Variants in ROCK2 observed in about 807,000 individuals in gnomAD.
ROCK2 encodes the protein rho-associated protein kinase 2.
In ROCK2, 61 loss-of-function variants were observed where a neutral mutation model predicts 195.1. That is an observed-to-expected ratio of 0.31 (90% CI 0.25 to 0.39). The LOEUF is 0.39. ROCK2 is among the 10% of genes least tolerant of loss of function. ROCK2 has a pLI of 1.00. For missense variants in ROCK2, 1,109 were observed against 1,637.4 expected, an observed-to-expected ratio of 0.68 and a Z score of 5.57; for synonymous variants, 504 against 545.5, an observed-to-expected ratio of 0.92 and a Z score of 1.06.
rs935462304 is a variant in ROCK2, at chr2:11,201,940, T to C, written c.2619+112A>G. 2.6e-6 allele frequency: 2 copies of C among 760,270 alleles called. No individual in the cohort carries two copies. Among genetic ancestry groups the C allele is most frequent in the Non-Finnish European group, 4.6e-6 (2 of 437,728 alleles). The allele number at this position is 760,270 out of a possible 1,614,324, so 47.1% of individuals were successfully genotyped here. A position where few individuals can be genotyped will look rare whatever the true frequency, so the allele number is the denominator to read the frequency against. On this transcript the variant is annotated intron_variant, in intron 21 of 32. Coordinates refer to ENST00000315872, the MANE Select transcript of ROCK2 (RefSeq NM_004850.5). This position sits in a 1 kb window ranked among gnomAD's most constrained non-coding sequence, Gnocchi z 4.6. ...CAATGATAATAAATTTCTCTTAAAC[T>C]ATCTACATTCTTTTGCCCAGCTGCT...
chr2:11,204,603 C>T (rs1663983623), intron 20 of ROCK2, among the ~76,000 whole-genome samples: 1 of 152,158 alleles, frequency 6.6e-6, no homozygotes. Flanking sequence ...TTACTTACGT[C>T]TTTCAAACCT....
At chr2:11,284,041 G>C (rs1667106777) in intron 3 of ROCK2, among the ~76,000 whole-genome samples, 1 of 152,108 alleles carries the variant, frequency 6.6e-6, no homozygotes, top group Non-Finnish European at 1.5e-5. Context: ...GATAAACTTT[G>C]GTACAGCCAG....
At chr2:11,314,497 A>C (rs1457327984) in intron 1 of ROCK2, among the ~76,000 whole-genome samples, 1 of 152,008 alleles carries the variant, frequency 6.6e-6, no homozygotes, top group Non-Finnish European at 1.5e-5. Context: ...ATTTACATGA[A>C]TAAGGTTTCG....
At chr2:11,254,727 T>TAAAAAAAAAAAAAAAA (rs10640683) in intron 3 of ROCK2, among the ~76,000 whole-genome samples, 1 of 39,126 alleles carries the variant, frequency 2.6e-5, no homozygotes, top group Non-Finnish European at 4.4e-5. Context: ...CCCTGTCTCT[T>TAAAAAAAAAAAAAAAA]AAAAAAAAAA....
intron 3 of ROCK2, among the ~76,000 whole-genome samples, chr2:11,278,369 T>C (rs1175224594): frequency 1.3e-5 from 2 of 152,224 alleles, no homozygotes; most frequent in African/African-American, 4.8e-5. Flanking sequence ...AACCATCAAT[T>C]ATCTATGTTG....
At chr2:11,221,095 A>C in intron 9 of ROCK2, 103 bp downstream of exon 9, 1 of 820,144 alleles carries the variant, frequency 1.2e-6, no homozygotes, top group Non-Finnish European at 1.8e-6. Flanking sequence ...TTTGGAAAAA[A>C]CAAATTAATA....
intron 1 of ROCK2, among the ~76,000 whole-genome samples, chr2:11,295,354 T>C (rs1007616094): frequency 6.6e-6 from 1 of 152,082 alleles, no homozygotes; most frequent in African/African-American, 2.4e-5. Context: ...GTAGGCAAGT[T>C]AGACTTTTTA....
At chr2:11,323,594 A>G (rs917382935) in intron 1 of ROCK2, among the ~76,000 whole-genome samples, 2 of 152,240 alleles carry the variant, frequency 1.3e-5, no homozygotes, top group Non-Finnish European at 2.9e-5. Flanking sequence ...AGAAGAGGTC[A>G]TAATTTTTTA....
chr2:11,324,490 T>C (rs966279444), intron 1 of ROCK2, among the ~76,000 whole-genome samples: 4 of 152,212 alleles, frequency 2.6e-5, no homozygotes, highest in Non-Finnish European at 4.4e-5. Flanking sequence ...CAAACATTTA[T>C]AGCAGCTTTA....
rs115692845 is a variant in ROCK2 at position 11,246,080 on chromosome 2, C to T, written c.462+3581G>A. ...TGACAAATCTTAATAAATGATATATCAAGACACTGAGCACAAATAGCTGGT... is the reference window on the plus strand; with the variant it reads ...TGACAAATCTTAATAAATGATATATTAAGACACTGAGCACAAATAGCTGGT... On this transcript the variant is annotated intron_variant, in intron 4 of 32. Transcript: ENST00000315872. 8.5e-3 allele frequency among the ~76,000 whole-genome samples: 1,291 copies of T among 152,206 alleles called. 9 individuals carry two copies. The highest frequency in any genetic ancestry group is 0.014 in the Admixed American group (212 of 15,272).
rs1318798839 is a variant in ROCK2 at position 11,198,666 on chromosome 2, TTTG to T, written c.3004+12_3004+14del. On this transcript the variant is annotated intron_variant, in intron 24 of 32. Transcript: ENST00000315872. ...TTAGGTATATTAAAAATAAACATTT[TTTG>T]TTAATACATACGCTCTTGAACATCT... The T allele has an allele frequency of 1.3e-6, 2 of 1,584,094 alleles. No individual in the cohort carries two copies. The highest frequency in any genetic ancestry group is 1.7e-4 in the Middle Eastern group (1 of 5,950).
In ROCK2 at chr2:11,287,638, A is replaced by C; in HGVS notation, c.223+17T>G. 2.6e-6 allele frequency: 2 copies of C among 781,486 alleles called. No individual in the cohort carries two copies. The highest frequency in any genetic ancestry group is 3.8e-6 in the Non-Finnish European group (2 of 521,536). 48.4% of individuals were successfully genotyped at this position (781,486 alleles called of 1,614,324 possible). On this transcript the variant is annotated intron_variant, in intron 2 of 32. Coordinates refer to ENST00000315872, the MANE Select transcript of ROCK2 (RefSeq NM_004850.5). ...AGTAGAGTTATAAGATCAAATATGA[A>C]GTTTAAACATACTTACATCTATTTA... is the stretch of plus-strand genomic sequence containing the variant.
chr2:11,219,849 C>A (rs1371600371), intron 9 of ROCK2, among the ~76,000 whole-genome samples: 1 of 148,994 alleles, frequency 6.7e-6, no homozygotes, highest in East Asian at 2.0e-4. Flanking sequence ...GATTATTCTT[C>A]CCCAAAACTC....
Position 11,249,677 on chromosome 2 carries a change from C to A in ROCK2, c.446G>T (p.Ser149Ile). ...EERDIMAFAN[S>I]PWVVQLFYAF... ...TATGCTTACCTGAACCACCCAGGGG[C>A]TATTGGCAAAGGCCATAATATCTCT... Residue 149 changes from serine (S) to isoleucine (I), a missense_variant, in exon 4 of 33, where the codon AGC becomes ATC. This residue lies in a region of ROCK2 where 253 missense variants were observed against 455.5 expected (regional missense o/e 0.56). Transcript: ENST00000315872. The A allele has an allele frequency of 6.4e-7, 1 of 1,551,028 alleles. No individual in the cohort carries two copies. Among genetic ancestry groups the A allele is most frequent in the Non-Finnish European group, 8.7e-7 (1 of 1,152,990 alleles).
intron 6 of ROCK2, among the ~76,000 whole-genome samples, chr2:11,226,293 A>G (rs952809799): frequency 2.6e-5 from 4 of 152,348 alleles, no homozygotes; most frequent in Admixed American, 6.5e-5. Flanking sequence ...TGATGTAAAG[A>G]AAGTTTTGAA....
chr2:11,230,855 GA>G (rs970177655), intron 5 of ROCK2, among the ~76,000 whole-genome samples: 2 of 151,582 alleles, frequency 1.3e-5, no homozygotes, highest in African/African-American at 2.4e-5. Flanking sequence ...TATAAAGGTG[GA>G]AAAAAAACTG....
chr2:11,320,181 T>C (rs1668357705), intron 1 of ROCK2, among the ~76,000 whole-genome samples: 2 of 152,206 alleles, frequency 1.3e-5, no homozygotes, highest in African/African-American at 4.8e-5. Flanking sequence ...AACTTACTCA[T>C]GTGGCTAATC....
Position 11,296,102 on chromosome 2 carries a change from G to A in ROCK2, c.142-8366C>T, listed in dbSNP as rs143900700. Among the ~76,000 whole-genome samples, 1,054 of 149,424 alleles carry A rather than the reference G, an allele frequency of 7.1e-3. 16 individuals are homozygous for A. Among genetic ancestry groups the A allele is most frequent in the African/African-American group, 0.025 (1,003 of 40,642 alleles). ...ACCTACACTTCATGGACATTTTGGA[G>A]CTGAAGGGGCAAGATGGTGGAGGAA... is the stretch of plus-strand genomic sequence containing the variant. On this transcript the variant is annotated intron_variant, in intron 1 of 32. Coordinates refer to ENST00000315872, the MANE Select transcript of ROCK2 (RefSeq NM_004850.5).
chr2:11,335,035 G>A (rs1399119556), intron 1 of ROCK2, among the ~76,000 whole-genome samples: 1 of 150,998 alleles, frequency 6.6e-6, no homozygotes, highest in Non-Finnish European at 1.5e-5. Context: ...AATCATTCCT[G>A]GACTTAGAAA....
Sources: allele counts gnomAD v4.1 joint callset (sites outside exome capture counted in the v4.1 genomes callset), GRCh38; gene constraint gnomAD v4.1.1; regional missense constraint gnomAD v4.1.1; non-coding constraint Gnocchi (gnomAD v3.1); transcripts MANE v1.5; gene names NCBI Gene and HGNC (gene_info 2026-07-23, HGNC 2026-07-21).